Variants in MACROD2 observed in about 807,000 individuals in gnomAD.
MACROD2 encodes ADP-ribose glycohydrolase MACROD2.
In MACROD2, 36 loss-of-function variants were observed where a neutral mutation model predicts 70.4. That is an observed-to-expected ratio of 0.51 (90% CI 0.39 to 0.68). MACROD2 has a LOEUF of 0.68. MACROD2 is among the 30% of genes least tolerant of loss of function. MACROD2 has a pLI of 0.00. For missense variants in MACROD2, 496 were observed against 538.4 expected, an observed-to-expected ratio of 0.92 and a Z score of 0.78; for synonymous variants, 172 against 178.8, an observed-to-expected ratio of 0.96 and a Z score of 0.30.
intron 8 of MACROD2, among the ~76,000 whole-genome samples, chr20:15,849,017 G>A (rs2064266595): frequency 6.6e-6 from 1 of 152,184 alleles, no homozygotes; most frequent in South Asian, 2.1e-4. Context: ...AAGATATAAA[G>A]CGACAATCAA....
intron 8 of MACROD2, among the ~76,000 whole-genome samples, chr20:15,712,677 CCT>C (rs2050645563): frequency 1.3e-5 from 2 of 152,114 alleles, no homozygotes; most frequent in Admixed American, 6.5e-5. Context: ...GCCATTTCTC[CCT>C]CTTTCAGTCC....
At chr20:14,921,349 T>C (rs879035104) in intron 5 of MACROD2, among the ~76,000 whole-genome samples, 1 of 152,180 alleles carries the variant, frequency 6.6e-6, no homozygotes, top group Non-Finnish European at 1.5e-5. Flanking sequence ...TAGGAGGAGA[T>C]TGATTTATAG....
intron 3 of MACROD2, among the ~76,000 whole-genome samples, chr20:14,138,287 A>T (rs1357633102): frequency 6.6e-6 from 1 of 152,218 alleles, no homozygotes; most frequent in African/African-American, 2.4e-5. Context: ...AAATCAGCAC[A>T]TTGAAAATAT....
chr20:14,421,178 T>C (rs2122894545), intron 3 of MACROD2, among the ~76,000 whole-genome samples: 1 of 152,370 alleles, frequency 6.6e-6, no homozygotes, highest in East Asian at 1.9e-4. Context: ...TAGTTTTCTT[T>C]TCTTGTAGCG....
intron 8 of MACROD2, among the ~76,000 whole-genome samples, chr20:15,666,291 A>T (rs932811055): frequency 6.6e-6 from 1 of 152,198 alleles, no homozygotes; most frequent in African/African-American, 2.4e-5. Flanking sequence ...AGGAGGAGAT[A>T]TCTAAATGAC....
chr20:15,901,254 A>G (rs1156918985), intron 10 of MACROD2, among the ~76,000 whole-genome samples: 2 of 151,978 alleles, frequency 1.3e-5, no homozygotes, highest in Non-Finnish European at 1.5e-5. Context: ...CATCTTCCTG[A>G]TCTCTATTCC....
intron 2 of MACROD2, among the ~76,000 whole-genome samples, chr20:14,049,733 G>C (rs2053537517): frequency 6.6e-6 from 1 of 151,446 alleles, no homozygotes; most frequent in Non-Finnish European, 1.5e-5. Context: ...TCCAGCCTGG[G>C]TGACAAGAAC....
At chr20:14,695,477 T>A (rs1416879403) in intron 5 of MACROD2, among the ~76,000 whole-genome samples, 2 of 152,186 alleles carry the variant, frequency 1.3e-5, no homozygotes, top group Non-Finnish European at 1.5e-5. Context: ...ATTCATAAGT[T>A]CCAGGTATCA....
intron 3 of MACROD2, among the ~76,000 whole-genome samples, chr20:14,090,038 C>T (rs1373976351): frequency 6.6e-6 from 1 of 152,084 alleles, no homozygotes; most frequent in Non-Finnish European, 1.5e-5. Flanking sequence ...TCTTTTCCTT[C>T]CCCCTTATTA....
intron 5 of MACROD2, among the ~76,000 whole-genome samples, chr20:15,098,331 A>G (rs1190551043): frequency 6.6e-6 from 1 of 152,092 alleles, no homozygotes; most frequent in Non-Finnish European, 1.5e-5. Flanking sequence ...GATGATTCCA[A>G]CCTTTCTCAC....
chr20:15,620,839 C>A (rs113283319), intron 8 of MACROD2, among the ~76,000 whole-genome samples: 151 of 152,100 alleles, frequency 9.9e-4, no homozygotes, highest in African/African-American at 3.3e-3. Flanking sequence ...AATGTCAGGG[C>A]AGACTCACAC....
intron 5 of MACROD2, among the ~76,000 whole-genome samples, chr20:14,691,114 C>T (rs1320501807): frequency 2.6e-5 from 4 of 152,100 alleles, no homozygotes; most frequent in South Asian, 2.1e-4. Context: ...GCTGGGGTTT[C>T]GCCATGTTGG....
chr20:15,785,673 TTTTAGCTGAG>T (rs1453756730), intron 8 of MACROD2, among the ~76,000 whole-genome samples: 1 of 152,086 alleles, frequency 6.6e-6, no homozygotes, highest in Non-Finnish European at 1.5e-5. Context: ...ACTGAAAGGC[TTTTAGCTGAG>T]TTTCCCTGAG....
At chr20:14,843,906 C>T (rs6135277) in intron 5 of MACROD2, among the ~76,000 whole-genome samples, 1 of 151,984 alleles carries the variant, frequency 6.6e-6, no homozygotes, top group African/African-American at 2.4e-5. Context: ...TGCTTGCAAC[C>T]TGCCAAGTAC....
chr20:14,953,444 C>T (rs2074491520), intron 5 of MACROD2, among the ~76,000 whole-genome samples: 1 of 151,990 alleles, frequency 6.6e-6, no homozygotes, highest in Non-Finnish European at 1.5e-5. Flanking sequence ...GTAGCTGGGA[C>T]TACAGGCGCC....
intron 5 of MACROD2, among the ~76,000 whole-genome samples, chr20:14,730,152 C>T (rs1407961867): frequency 1.3e-5 from 2 of 151,960 alleles, no homozygotes; most frequent in Non-Finnish European, 2.9e-5. Flanking sequence ...GGTGAGCAGA[C>T]CTAGCACACA....
rs577728390 is a variant in MACROD2, at chr20:14,804,093, G to A, written c.418+119134G>A. ...TTAGCTTATTTGTATTTCTTTATGTGTGGTTTTCCATTTAATTTAAATTTC... is the reference window on the plus strand; with the variant it reads ...TTAGCTTATTTGTATTTCTTTATGTATGGTTTTCCATTTAATTTAAATTTC... On this transcript the variant is annotated intron_variant, in intron 5 of 17. Coordinates refer to ENST00000684519, the MANE Select transcript of MACROD2 (RefSeq NM_001351661.2). 6.0e-4 allele frequency among the ~76,000 whole-genome samples: 91 copies of A among 152,070 alleles called. 4 individuals are homozygous for A. The South Asian group carries it at 0.014, about 23-fold the overall frequency.
intron 5 of MACROD2, among the ~76,000 whole-genome samples, chr20:14,782,524 A>G (rs1209639647): frequency 6.6e-6 from 1 of 152,122 alleles, no homozygotes; most frequent in Non-Finnish European, 1.5e-5. Context: ...GAGGACATTA[A>G]CATCACCCAA....
intron 1 of MACROD2, among the ~76,000 whole-genome samples, chr20:13,997,467 C>T (rs1224918816): frequency 6.6e-6 from 1 of 152,118 alleles, no homozygotes; most frequent in Non-Finnish European, 1.5e-5. Flanking sequence ...TTTTCAGTAA[C>T]ATGAATCATT....
Sources: allele counts gnomAD v4.1 joint callset (sites outside exome capture counted in the v4.1 genomes callset), GRCh38; gene constraint gnomAD v4.1.1; transcripts MANE v1.5; gene names NCBI Gene and HGNC (gene_info 2026-07-23, HGNC 2026-07-21).